TRAPPC3L: variants seen among roughly 807,000 people sequenced by gnomAD.
TRAPPC3L encodes the protein trafficking protein particle complex subunit 3-like protein.
A neutral mutation model predicts 23.7 loss-of-function variants in TRAPPC3L; 23 were observed. That is an observed-to-expected ratio of 0.97 (90% confidence interval 0.70 to 1.37). The LOEUF (loss-of-function observed/expected upper bound fraction) is 1.37, where lower values mean the gene tolerates loss of function less well. TRAPPC3L is among the 40% of genes most tolerant of loss of function. TRAPPC3L has a pLI of 0.00. For synonymous variants in TRAPPC3L, 81 were observed against 77.9 expected (o/e 1.04, Z -0.21); for missense variants, 212 against 216.8 (o/e 0.98, Z 0.14).
intron 3 of TRAPPC3L, among the ~76,000 whole-genome samples, chr6:116,511,217 T>G (rs1351336843): frequency 6.8e-6 from 1 of 147,484 alleles, no homozygotes; most frequent in Admixed American, 6.8e-5. Context: ...TCATATGTTT[T>G]TATATATATG....
At chr6:116,524,900 T>TA (rs1772417393) in intron 3 of TRAPPC3L, 1 of 152,212 alleles carries the variant, frequency 6.6e-6, no homozygotes, top group South Asian at 2.1e-4. Context: ...TTTAAAAAAC[T>TA]AAGTTAACTT....
intron 3 of TRAPPC3L, chr6:116,519,036 T>C (rs1453541802): frequency 6.6e-6 from 1 of 152,172 alleles, no homozygotes; most frequent in Non-Finnish European, 1.5e-5. Flanking sequence ...TGGAGTAAGA[T>C]AGGGAGAGCA....
chr6:116,512,255 G>A lies in TRAPPC3L; in HGVS notation c.241-11589C>T, dbSNP rs373630647. 117 of 1,575,232 alleles carry A rather than the reference G, an allele frequency of 7.4e-5. No individual in the cohort carries two copies. The African/African-American group carries it at 1.5e-3, about 20-fold the overall frequency. The stretch of plus-strand genomic sequence containing the variant: ...GTCTCAGGTAAGAAAAGACAAACTC[G>A]CCTTTTTCTCTCAGCATGAGCTCGA... On this transcript the variant is annotated intron_variant, in intron 3 of 4. Transcript: ENST00000368602.
chr6:116,530,078 C>T (rs1420855739), intron 3 of TRAPPC3L, among the ~76,000 whole-genome samples: 1 of 151,914 alleles, frequency 6.6e-6, no homozygotes, highest in African/African-American at 2.4e-5. Flanking sequence ...TAGACTTAGA[C>T]CCAGAATTGT....
chr6:116,541,614 C>A (rs1219219197), intron 2 of TRAPPC3L, among the ~76,000 whole-genome samples: 1 of 152,206 alleles, frequency 6.6e-6, no homozygotes, highest in African/African-American at 2.4e-5. Context: ...AGTTTAGCTT[C>A]CTTGACTTTG....
chr6:116,512,362 G>C, intron 3 of TRAPPC3L: 6 of 1,092,062 alleles, frequency 5.5e-6, no homozygotes, highest in Non-Finnish European at 6.4e-6. Flanking sequence ...ACTGAAACAT[G>C]ATGCAGCATT....
At chr6:116,503,450 A>G (rs1771952664) in intron 3 of TRAPPC3L, among the ~76,000 whole-genome samples, 1 of 152,210 alleles carries the variant, frequency 6.6e-6, no homozygotes, top group Non-Finnish European at 1.5e-5. Flanking sequence ...CTCACTGTCA[A>G]TATTAGACAG....
intron 3 of TRAPPC3L, among the ~76,000 whole-genome samples, chr6:116,507,526 T>C (rs138676487): frequency 1.2e-4 from 16 of 130,966 alleles, no homozygotes; most frequent in African/African-American, 4.1e-4. Context: ...ACGTGAATCA[T>C]CCCTTTGTTC....
At chr6:116,537,998 A>G (rs9488958) in intron 3 of TRAPPC3L, among the ~76,000 whole-genome samples, 5,478 of 152,336 alleles carry the variant, frequency 0.036, 284 homozygotes, top group African/African-American at 0.12. Flanking sequence ...AAAGTTTTAC[A>G]TGAGACTTCT....
At chr6:116,541,957 G>A (rs937507782) in intron 2 of TRAPPC3L, among the ~76,000 whole-genome samples, 1 of 152,116 alleles carries the variant, frequency 6.6e-6, no homozygotes, top group African/African-American at 2.4e-5. Context: ...AGATCTTTCT[G>A]CAGCTTCTCA....
intron 3 of TRAPPC3L, chr6:116,523,877 T>A (rs1304983045): frequency 6.6e-6 from 1 of 152,142 alleles, no homozygotes; most frequent in African/African-American, 2.4e-5. Context: ...CCCCACAGAT[T>A]AACAGTATTA....
At chr6:116,511,825 C>T (rs374016348) in intron 3 of TRAPPC3L, 2 of 1,614,088 alleles carry the variant, frequency 1.2e-6, no homozygotes, top group Non-Finnish European at 1.7e-6. Context: ...AGTGCCCCTG[C>T]AGCACTGAGA....
chr6:116,499,829 A>G (rs1771886167), intron 4 of TRAPPC3L, among the ~76,000 whole-genome samples: 1 of 152,194 alleles, frequency 6.6e-6, no homozygotes, highest in Non-Finnish European at 1.5e-5. Context: ...TTCTTTGTAC[A>G]TCTGACTTTT....
intron 1 of TRAPPC3L, 66 bp downstream of exon 1, chr6:116,545,407 A>C (rs1773719547): frequency 7.1e-7 from 1 of 1,402,756 alleles, no homozygotes; most frequent in Non-Finnish European, 9.7e-7. Flanking sequence ...TTTAAAATCA[A>C]TCAGAAATCA....
At chr6:116,518,775 G>T (rs1431833098) in intron 3 of TRAPPC3L, 1 of 152,164 alleles carries the variant, frequency 6.6e-6, no homozygotes, top group Non-Finnish European at 1.5e-5. Context: ...GGGACTTTCT[G>T]CACTCAAAAA....
chr6:116,536,817 G>C (rs1236008306), intron 3 of TRAPPC3L, among the ~76,000 whole-genome samples: 4 of 152,182 alleles, frequency 2.6e-5, no homozygotes, highest in African/African-American at 9.7e-5. Flanking sequence ...TGTGACTACA[G>C]TAAACTTCTT....
In TRAPPC3L at chr6:116,545,561, C is replaced by G. The variant is rs751785937; in HGVS notation, c.-47G>C. ...ATGATCTTCAATTTCTCTTCTTTTG[C>G]CTGTTTCTTAGAGGTGTATCAGTCC... On this transcript the variant is annotated 5_prime_UTR_variant, in exon 1 of 5. Transcript: ENST00000368602. The G allele has an allele frequency of 6.6e-7, 1 of 1,520,882 alleles. No individual in the cohort carries two copies. Among genetic ancestry groups the G allele is most frequent in the South Asian group, 1.2e-5 (1 of 81,638 alleles). The allele number at this position is 1,520,882 out of a possible 1,614,324, so 94.2% of individuals were successfully genotyped here. A position where few individuals can be genotyped will look rare whatever the true frequency, so the allele number is the denominator to read the frequency against.
At chr6:116,541,031 A>G (rs1368880204) in intron 2 of TRAPPC3L, among the ~76,000 whole-genome samples, 1 of 152,104 alleles carries the variant, frequency 6.6e-6, no homozygotes. Context: ...AAGTTCAGAA[A>G]ACTCATTTTT....
At chr6:116,507,070 A>G (rs1228128684) in intron 3 of TRAPPC3L, among the ~76,000 whole-genome samples, 2 of 151,118 alleles carry the variant, frequency 1.3e-5, no homozygotes, top group African/African-American at 4.8e-5. Context: ...ATATTGTAAG[A>G]GGATAATTTT....
Sources: allele counts gnomAD v4.1 joint callset (sites outside exome capture counted in the v4.1 genomes callset), GRCh38; gene constraint gnomAD v4.1.1; transcripts MANE v1.5; gene names NCBI Gene and HGNC (gene_info 2026-07-23, HGNC 2026-07-21).